GALNT17: variants seen among roughly 807,000 people sequenced by gnomAD.
GALNT17 encodes UDP-GalNAc:polypeptide N-acetylgalactosaminyltransferase-like 3.
GALNT17 carries 29 observed loss-of-function variants against 63.7 expected under a neutral mutation model. The observed-to-expected ratio is 0.46, with a 90% confidence interval of 0.34 to 0.62. The LOEUF (loss-of-function observed/expected upper bound fraction) is 0.62, where lower values mean the gene tolerates loss of function less well. GALNT17 is among the 20% of genes least tolerant of loss of function. GALNT17 has a pLI of 0.01. For synonymous variants in GALNT17, 305 were observed against 318.3 expected (o/e 0.96, Z 0.45); for missense variants, 603 against 799.6 (o/e 0.75, Z 2.97).
At chr7:71,217,073 C>G (rs1789495311) in intron 1 of GALNT17, among the ~76,000 whole-genome samples, 1 of 151,984 alleles carries the variant, frequency 6.6e-6, no homozygotes, top group Non-Finnish European at 1.5e-5. Context: ...CAGTGATCCT[C>G]CCACTTCAGC....
intron 6 of GALNT17, among the ~76,000 whole-genome samples, chr7:71,611,591 T>C (rs1241211657): frequency 7.2e-5 from 11 of 152,190 alleles, no homozygotes; most frequent in Admixed American, 5.9e-4. Flanking sequence ...AAATCCAAGA[T>C]AAATGTTTCC....
chr7:71,156,921 A>G (rs1192370725), intron 1 of GALNT17, among the ~76,000 whole-genome samples: 2 of 149,712 alleles, frequency 1.3e-5, no homozygotes, highest in Non-Finnish European at 3.0e-5. Context: ...TTTCATTTTA[A>G]TTTTCTTAAT....
intron 3 of GALNT17, among the ~76,000 whole-genome samples, chr7:71,389,372 G>A (rs750604694): frequency 1.3e-5 from 2 of 152,050 alleles, no homozygotes; most frequent in South Asian, 2.1e-4. Flanking sequence ...GACCTCAGGA[G>A]ATCTGCCCTC....
chr7:71,417,084 C>T (rs1171383772), intron 4 of GALNT17, among the ~76,000 whole-genome samples: 1 of 152,160 alleles, frequency 6.6e-6, no homozygotes, highest in Non-Finnish European at 1.5e-5. Context: ...AACCTGTACC[C>T]TGGGTTGCTT....
intron 1 of GALNT17, among the ~76,000 whole-genome samples, chr7:71,251,457 TG>T (rs1790196063): frequency 6.6e-6 from 1 of 152,240 alleles, no homozygotes; most frequent in Admixed American, 6.5e-5. Context: ...TTGCCCAGGC[TG>T]GAGTGCAGTG....
chr7:71,332,743 G>A (rs1454131405), intron 1 of GALNT17, among the ~76,000 whole-genome samples: 2 of 152,120 alleles, frequency 1.3e-5, no homozygotes, highest in Non-Finnish European at 2.9e-5. Flanking sequence ...CCAGGCTGGA[G>A]TGCAGTGGCG....
At chr7:71,462,214 C>A (rs965886786) in intron 5 of GALNT17, among the ~76,000 whole-genome samples, 1 of 152,138 alleles carries the variant, frequency 6.6e-6, no homozygotes, top group African/African-American at 2.4e-5. Context: ...GAAATTCTGG[C>A]CCTTTCATCC....
At chr7:71,146,171 C>T (rs895639553) in intron 1 of GALNT17, among the ~76,000 whole-genome samples, 4 of 152,076 alleles carry the variant, frequency 2.6e-5, no homozygotes, top group African/African-American at 7.2e-5. Context: ...TCTCAGCTCC[C>T]CACGCCCTGA....
In GALNT17 at chr7:71,624,538, T is replaced by C. The variant is rs111441058; in HGVS notation, c.1081-40873T>C. 4.1e-4 allele frequency among the ~76,000 whole-genome samples: 63 copies of C among 152,332 alleles called. 1 individual carries two copies. The highest frequency in any genetic ancestry group is 1.4e-3 in the African/African-American group (59 of 41,576). On this transcript the variant is annotated intron_variant, in intron 6 of 10. Transcript: ENST00000333538. Reference sequence around the variant, plus strand: ...TGGAGAAAAATGATGGTTTCATCAGTAAGTGTCATTCACTGCTGTAGAGCA... The same window carrying C: ...TGGAGAAAAATGATGGTTTCATCAGCAAGTGTCATTCACTGCTGTAGAGCA...
intron 1 of GALNT17, among the ~76,000 whole-genome samples, chr7:71,200,018 A>G (rs1281159651): frequency 6.6e-5 from 10 of 152,192 alleles, no homozygotes; most frequent in Admixed American, 6.5e-4. Context: ...TTGTAAACAC[A>G]CATCTCCTCA....
intron 1 of GALNT17, among the ~76,000 whole-genome samples, chr7:71,146,192 A>G (rs1167918892): frequency 6.6e-6 from 1 of 151,974 alleles, no homozygotes; most frequent in Non-Finnish European, 1.5e-5. Flanking sequence ...GTGACTGCTG[A>G]TCTCAAATGA....
At chr7:71,309,565 C>A (rs759477889) in intron 1 of GALNT17, among the ~76,000 whole-genome samples, 1 of 152,002 alleles carries the variant, frequency 6.6e-6, no homozygotes, top group Non-Finnish European at 1.5e-5. Flanking sequence ...AAAGTTGTCC[C>A]CCAAGCTATC....
chr7:71,424,192 A>C (rs1281894753), intron 5 of GALNT17, among the ~76,000 whole-genome samples: 2 of 152,216 alleles, frequency 1.3e-5, no homozygotes, highest in Non-Finnish European at 2.9e-5. Flanking sequence ...GGGATATTTG[A>C]GCTTTAATGG....
intron 2 of GALNT17, among the ~76,000 whole-genome samples, chr7:71,383,004 C>T (rs1297382609): frequency 6.6e-6 from 1 of 152,112 alleles, no homozygotes; most frequent in African/African-American, 2.4e-5. Flanking sequence ...ACAATAATTT[C>T]CCATTCCCCC....
rs17143786 is a variant in GALNT17, at chr7:71,657,030, T to C, written c.1081-8381T>C. 3.1e-3 allele frequency among the ~76,000 whole-genome samples: 469 copies of C among 152,286 alleles called. 6 individuals are homozygous for C. Among genetic ancestry groups the C allele is most frequent in the African/African-American group, 0.011 (451 of 41,562 alleles). On this transcript the variant is annotated intron_variant, in intron 6 of 10. Coordinates refer to ENST00000333538, the MANE Select transcript of GALNT17 (RefSeq NM_022479.3). ...GCACAATTGAAAACTCTCACCAGAA[T>C]ATTTTGGATCCAAACCTACTTATGC...
intron 5 of GALNT17, among the ~76,000 whole-genome samples, chr7:71,449,853 C>A (rs1485991151): frequency 2.6e-5 from 4 of 151,798 alleles, no homozygotes; most frequent in Non-Finnish European, 5.9e-5. Flanking sequence ...ACCAGCCTGA[C>A]CAACATGGAG....
At chr7:71,180,624 T>C (rs1265797996) in intron 1 of GALNT17, among the ~76,000 whole-genome samples, 1 of 152,176 alleles carries the variant, frequency 6.6e-6, no homozygotes, top group African/African-American at 2.4e-5. Flanking sequence ...GGTGGACGTA[T>C]TAAATGGCTT....
chr7:71,604,264 T>C (rs1358523667), intron 6 of GALNT17, among the ~76,000 whole-genome samples: 17 of 152,166 alleles, frequency 1.1e-4, no homozygotes, highest in African/African-American at 3.9e-4. Context: ...CGAGGTACTA[T>C]GCTAAATGCA....
intron 1 of GALNT17, among the ~76,000 whole-genome samples, chr7:71,304,408 C>T (rs1242061221): frequency 6.6e-6 from 1 of 152,188 alleles, no homozygotes. Context: ...GTCTCTTCCC[C>T]TTTGCCCCTT....
Sources: allele counts gnomAD v4.1 joint callset (sites outside exome capture counted in the v4.1 genomes callset), GRCh38; gene constraint gnomAD v4.1.1; transcripts MANE v1.5; gene names NCBI Gene and HGNC (gene_info 2026-07-23, HGNC 2026-07-21).